The following MAST4 variants were observed in gnomAD, a reference collection of about 807,000 sequenced individuals.
The protein encoded by MAST4 is microtubule associated serine/threonine kinase family member 4.
Under a neutral mutation model 162.7 loss-of-function variants are expected in MAST4, and 89 were observed. The ratio of observed to expected loss-of-function variants is 0.55; its 90% CI spans 0.46 to 0.65. The LOEUF is 0.65. MAST4 is among the 30% of genes least tolerant of loss of function. MAST4 has a pLI of 0.00. For synonymous variants in MAST4, 1,479 were observed against 1,361.1 expected, an observed-to-expected ratio of 1.09 and a Z score of -1.91; for missense variants, 3,153 against 3,374.0, an observed-to-expected ratio of 0.93 and a Z score of 1.62.
At chr5:66,880,606 C>T (rs1394978126) in intron 3 of MAST4, among the ~76,000 whole-genome samples, 3 of 152,130 alleles carry the variant, frequency 2.0e-5, no homozygotes, top group African/African-American at 7.2e-5. Flanking sequence ...AGGACATTCA[C>T]CATCCTCTAA....
At chr5:67,131,068 T>C (rs1180403164) in intron 15 of MAST4, among the ~76,000 whole-genome samples, 2 of 152,158 alleles carry the variant, frequency 1.3e-5, no homozygotes, top group Non-Finnish European at 2.9e-5. Flanking sequence ...CCCAAAACTA[T>C]AAAACTCAAA....
rs539651045 is a variant in MAST4, at chr5:66,721,984, A to G, written c.364-37725A>G. 2.6e-5 allele frequency among the ~76,000 whole-genome samples: 4 copies of G among 152,146 alleles called. No individual in the cohort carries two copies. The East Asian group carries it at 5.8e-4, about 22-fold the overall frequency. ...TTCTGCACTGCTGCTACCCTGGTCT[A>G]AAAGCAACCATTTCTCATTGCAAGT... On this transcript the variant is annotated intron_variant, in intron 1 of 28. Coordinates refer to ENST00000403625, the MANE Select transcript of MAST4 (RefSeq NM_001164664.2).
chr5:66,888,614 A>T (rs974449237), intron 3 of MAST4, among the ~76,000 whole-genome samples: 3 of 152,194 alleles, frequency 2.0e-5, no homozygotes, highest in African/African-American at 7.2e-5. Context: ...ATCTGATTTT[A>T]AAAAATTGGT....
chr5:67,123,594 CTT>C (rs1371104942), intron 14 of MAST4, among the ~76,000 whole-genome samples: 1 of 152,130 alleles, frequency 6.6e-6, no homozygotes, highest in Non-Finnish European at 1.5e-5. Context: ...GTGGAGCTCT[CTT>C]CTCTCTATAA....
At chr5:66,714,359 GGT>G (rs1244629335) in intron 1 of MAST4, among the ~76,000 whole-genome samples, 1 of 152,046 alleles carries the variant, frequency 6.6e-6, no homozygotes, top group Non-Finnish European at 1.5e-5. Flanking sequence ...ATTAGGTTTT[GGT>G]GTTTTCTCCT....
chr5:67,047,920 T>A (rs1191896594), intron 4 of MAST4, among the ~76,000 whole-genome samples: 1 of 152,042 alleles, frequency 6.6e-6, no homozygotes, highest in Non-Finnish European at 1.5e-5. Context: ...GAAAAAGTGG[T>A]GGAGATGTAG....
At chr5:66,845,371 T>G (rs12186367) in intron 3 of MAST4, among the ~76,000 whole-genome samples, 37,520 of 151,464 alleles carry the variant, frequency 0.25, 5,749 homozygotes, top group Non-Finnish European at 0.35. Context: ...ATGCAGTGTT[T>G]GGTTTTTTGT....
At chr5:66,771,931 C>T (rs552185045) in intron 2 of MAST4, among the ~76,000 whole-genome samples, 2 of 152,150 alleles carry the variant, frequency 1.3e-5, no homozygotes, top group African/African-American at 2.4e-5. Flanking sequence ...GCTTTCCTAT[C>T]CTTCATGCAT....
intron 3 of MAST4, among the ~76,000 whole-genome samples, chr5:66,842,264 G>A (rs1758479471): frequency 6.6e-6 from 1 of 152,112 alleles, no homozygotes; most frequent in Non-Finnish European, 1.5e-5. Flanking sequence ...GGTAGGGTGT[G>A]GAATCACAGG....
chr5:66,748,424 C>CCCTCT (rs1160264257), intron 1 of MAST4, among the ~76,000 whole-genome samples: 1 of 128,408 alleles, frequency 7.8e-6, no homozygotes. Context: ...TCCCTTCCTT[C>CCCTCT]CTCCCTCCCT....
intron 4 of MAST4, chr5:67,004,515 T>C (rs762332778): frequency 1.3e-5 from 2 of 155,498 alleles, no homozygotes; most frequent in South Asian, 3.9e-4. Flanking sequence ...GCACTGGGCA[T>C]GTTCGGATGT....
At chr5:66,922,920 G>A (rs1450913414) in intron 4 of MAST4, among the ~76,000 whole-genome samples, 2 of 152,202 alleles carry the variant, frequency 1.3e-5, no homozygotes, top group East Asian at 3.9e-4. Context: ...ATCTGACCAG[G>A]TCTCCACTGT....
intron 2 of MAST4, among the ~76,000 whole-genome samples, chr5:66,762,196 C>T (rs1037930712): frequency 5.3e-5 from 8 of 152,042 alleles, no homozygotes; most frequent in Admixed American, 4.6e-4. Flanking sequence ...TACACAATTA[C>T]TTTTGGTAAC....
chr5:66,649,499 A>G (rs1746076372), intron 1 of MAST4, among the ~76,000 whole-genome samples: 2 of 152,138 alleles, frequency 1.3e-5, no homozygotes, highest in South Asian at 4.2e-4. Flanking sequence ...ATCATCTGTC[A>G]AGTCCAGCCC....
In MAST4 at chr5:66,982,680, C is replaced by A. The variant is rs144049589; in HGVS notation, c.675-71724C>A. Among the ~76,000 whole-genome samples the A allele has an allele frequency of 5.1e-4, 78 of 152,312 alleles. 1 individual carries two copies. In the East Asian group the frequency reaches 0.013, roughly 26 times the overall value. Reference sequence around the variant, plus strand: ...AGTAACAGCATCTTGCTTTGACAGCCTTTTGTTCTCCCTAGCTGATATTCT... The same window carrying A: ...AGTAACAGCATCTTGCTTTGACAGCATTTTGTTCTCCCTAGCTGATATTCT... On this transcript the variant is annotated intron_variant, in intron 4 of 28. Coordinates refer to ENST00000403625, the MANE Select transcript of MAST4 (RefSeq NM_001164664.2).
chr5:66,994,452 T>G (rs1417478662), intron 4 of MAST4, among the ~76,000 whole-genome samples: 1 of 151,870 alleles, frequency 6.6e-6, no homozygotes, highest in East Asian at 1.9e-4. Flanking sequence ...AAGCTACTTA[T>G]AAAGACAATT....
intron 6 of MAST4, 86 bp from the exon 7 acceptor site, chr5:67,095,511 G>T: frequency 1.0e-6 from 1 of 995,968 alleles, no homozygotes; most frequent in East Asian, 2.6e-5. Flanking sequence ...TGTGTCATTT[G>T]TTTGACTAAA....
chr5:66,871,914 C>T (rs1159938478), intron 3 of MAST4, among the ~76,000 whole-genome samples: 1 of 152,110 alleles, frequency 6.6e-6, no homozygotes, highest in Non-Finnish European at 1.5e-5. Flanking sequence ...AAAATTTTGC[C>T]AATTCACTTA....
chr5:66,861,840 T>G (rs1294345501), intron 3 of MAST4, among the ~76,000 whole-genome samples: 1 of 152,190 alleles, frequency 6.6e-6, no homozygotes, highest in African/African-American at 2.4e-5. Flanking sequence ...TACACCCCGG[T>G]AGAAGATGTG....
Sources: allele counts gnomAD v4.1 joint callset (sites outside exome capture counted in the v4.1 genomes callset), GRCh38; gene constraint gnomAD v4.1.1; transcripts MANE v1.5; gene names NCBI Gene and HGNC (gene_info 2026-07-23, HGNC 2026-07-21).